The following PTPRD variants were observed in gnomAD, a reference collection of about 807,000 sequenced individuals.
PTPRD encodes receptor-type tyrosine-protein phosphatase delta.
Under a neutral mutation model 214.5 loss-of-function variants are expected in PTPRD, and 34 were observed. That is an observed-to-expected ratio of 0.16 (90% CI 0.12 to 0.21). The LOEUF is 0.21. Among genes scored for constraint, PTPRD ranks in the 10% least tolerant of loss-of-function variants. PTPRD has a pLI of 1.00. For synonymous variants in PTPRD, 1,128 were observed against 845.7 expected (o/e 1.33, Z -5.79); for missense variants, 2,545 against 2,398.7 (o/e 1.06, Z -1.27).
chr9:10,492,703 AG>A (rs2040731869), intron 2 of PTPRD, among the ~76,000 whole-genome samples: 1 of 152,082 alleles, frequency 6.6e-6, no homozygotes, highest in South Asian at 2.1e-4. Context: ...GATGTGCAGA[AG>A]CTCTTTACTT....
chr9:10,316,149 G>A (rs1214941694), intron 3 of PTPRD, among the ~76,000 whole-genome samples: 8 of 137,548 alleles, frequency 5.8e-5, no homozygotes, highest in Non-Finnish European at 1.2e-4. Context: ...ACATACATAT[G>A]TATATATGTA....
intron 8 of PTPRD, among the ~76,000 whole-genome samples, chr9:9,565,352 G>T (rs1418060273): frequency 1.3e-5 from 2 of 151,728 alleles, no homozygotes; most frequent in Non-Finnish European, 1.5e-5. Context: ...ATACACTTCT[G>T]ATGAGTGAAA....
intron 9 of PTPRD, among the ~76,000 whole-genome samples, chr9:9,332,937 A>T (rs2042892157): frequency 6.6e-6 from 1 of 152,034 alleles, no homozygotes; most frequent in Non-Finnish European, 1.5e-5. Context: ...TTATTCTCTT[A>T]TGTTAGTTAG....
chr9:9,245,106 A>G (rs1216320607), intron 9 of PTPRD, among the ~76,000 whole-genome samples: 3 of 152,218 alleles, frequency 2.0e-5, no homozygotes, highest in African/African-American at 4.8e-5. Context: ...CATACCAGTT[A>G]GAATGGCAAT....
intron 3 of PTPRD, among the ~76,000 whole-genome samples, chr9:10,276,707 A>C (rs1361979428): frequency 6.6e-6 from 1 of 152,226 alleles, no homozygotes; most frequent in African/African-American, 2.4e-5. Context: ...AATTATTCTT[A>C]TGGCTGGCAA....
intron 8 of PTPRD, among the ~76,000 whole-genome samples, chr9:9,485,342 T>C (rs550850769): frequency 2.6e-4 from 40 of 152,314 alleles, no homozygotes; most frequent in African/African-American, 8.2e-4. Flanking sequence ...TTTAGTAACA[T>C]TTAGAAGAAA....
intron 12 of PTPRD, among the ~76,000 whole-genome samples, chr9:8,696,911 A>G (rs1565357858): frequency 6.6e-6 from 1 of 152,224 alleles, no homozygotes; most frequent in Admixed American, 6.5e-5. Flanking sequence ...AGAGGTGCAC[A>G]GAAGAAAGAG....
At chr9:8,934,504 T>A (rs1455567428) in intron 11 of PTPRD, among the ~76,000 whole-genome samples, 6 of 46,850 alleles carry the variant, frequency 1.3e-4, no homozygotes, top group African/African-American at 1.1e-4. Context: ...AATATATATA[T>A]AAATATATAT....
At chr9:8,667,402 C>T (rs2097192316) in intron 12 of PTPRD, among the ~76,000 whole-genome samples, 1 of 151,990 alleles carries the variant, frequency 6.6e-6, no homozygotes. Flanking sequence ...TTCTTAAATC[C>T]AACCAGTTCA....
chr9:10,396,360 G>C (rs1481585588), intron 2 of PTPRD, among the ~76,000 whole-genome samples: 2 of 151,960 alleles, frequency 1.3e-5, no homozygotes, highest in Non-Finnish European at 2.9e-5. Flanking sequence ...GCGGGAGCTG[G>C]CTTGGCAATA....
chr9:9,882,723 C>T (rs570521921), intron 5 of PTPRD, among the ~76,000 whole-genome samples: 1 of 151,760 alleles, frequency 6.6e-6, no homozygotes, highest in East Asian at 1.9e-4. Flanking sequence ...CATGACCCTC[C>T]CCAACCCCCC....
At chr9:9,771,716 A>G (rs2098753237) in intron 5 of PTPRD, among the ~76,000 whole-genome samples, 1 of 152,222 alleles carries the variant, frequency 6.6e-6, no homozygotes, top group African/African-American at 2.4e-5. Context: ...GTGACGTTTC[A>G]ATGACATTCT....
At chr9:10,240,874 CTT>C (rs1176564986) in intron 3 of PTPRD, among the ~76,000 whole-genome samples, 1 of 151,690 alleles carries the variant, frequency 6.6e-6, no homozygotes, top group Admixed American at 6.6e-5. Context: ...AATAATTAGA[CTT>C]TTTCAAAACC....
chr9:9,509,088 G>A (rs556696589), intron 8 of PTPRD, among the ~76,000 whole-genome samples: 1 of 151,626 alleles, frequency 6.6e-6, no homozygotes, highest in South Asian at 2.1e-4. Context: ...AAATGTAAGA[G>A]GAATGCCATG....
chr9:9,759,468 T>C (rs562539419), intron 6 of PTPRD, among the ~76,000 whole-genome samples: 1 of 152,072 alleles, frequency 6.6e-6, no homozygotes, highest in African/African-American at 2.4e-5. Context: ...ACCAGTACCT[T>C]ATTAGTTTTA....
intron 10 of PTPRD, among the ~76,000 whole-genome samples, chr9:9,023,402 G>A (rs2099576136): frequency 6.6e-6 from 1 of 151,810 alleles, no homozygotes; most frequent in Non-Finnish European, 1.5e-5. Flanking sequence ...TGCTGAATAT[G>A]AATTTTTGGC....
At chr9:9,156,486 G>A (rs926516882) in intron 10 of PTPRD, among the ~76,000 whole-genome samples, 3 of 151,284 alleles carry the variant, frequency 2.0e-5, no homozygotes, top group African/African-American at 4.8e-5. Flanking sequence ...TAATTAAAAA[G>A]CACCTCAAAC....
At position 8,319,817 on chromosome 9, in the gene PTPRD, A is replaced by G. The variant is rs754020225; in HGVS notation, c.5670+14T>C. ...AGGCTCTTGAGATGCGAAAAATGCA[A>G]TGGATTTTCTCACCTCTGTCTGTAC... On this transcript the variant is annotated intron_variant, in intron 45 of 45. Transcript: ENST00000381196. 1 of 1,611,572 alleles carries G rather than the reference A, an allele frequency of 6.2e-7. No homozygotes were observed.
At chr9:10,196,023 G>C (rs1360150096) in intron 3 of PTPRD, among the ~76,000 whole-genome samples, 1 of 152,104 alleles carries the variant, frequency 6.6e-6, no homozygotes, top group Non-Finnish European at 1.5e-5. Context: ...ATTGACTATA[G>C]AAAGGCAAGA....
Sources: allele counts gnomAD v4.1 joint callset (sites outside exome capture counted in the v4.1 genomes callset), GRCh38; gene constraint gnomAD v4.1.1; transcripts MANE v1.5; gene names NCBI Gene and HGNC (gene_info 2026-07-23, HGNC 2026-07-21).